Variants in SPRR2G observed in about 807,000 individuals in gnomAD.
SPRR2G encodes the protein small proline rich protein 2G.
Under a neutral mutation model 0.7 loss-of-function variants are expected in SPRR2G, and 1 was observed. The observed-to-expected ratio is 1.49, with a 90% CI of 0.53 to 7.06. SPRR2G has a LOEUF of 7.06. SPRR2G is among the 30% of genes most tolerant of loss of function. The pLI, the probability that SPRR2G is intolerant of heterozygous loss-of-function variation, is 0.14. For missense variants in SPRR2G, 96 were observed against 88.5 expected, an observed-to-expected ratio of 1.09 and a Z score of -0.34; for synonymous variants, 38 against 33.9, an observed-to-expected ratio of 1.12 and a Z score of -0.42.
the SPRR2G span, among the ~76,000 whole-genome samples, chr1:153,200,291 G>C: frequency 6.6e-6 from 1 of 152,176 alleles, no homozygotes; most frequent in African/African-American, 2.4e-5. Context: ...GAAGGGGTCT[G>C]AGGAAAATAT....
chr1:153,168,583 A>G, the SPRR2G span, among the ~76,000 whole-genome samples: 5 of 152,206 alleles, frequency 3.3e-5, no homozygotes, highest in African/African-American at 1.2e-4. Flanking sequence ...ACTAGATGCT[A>G]TTTTATATTA....
At chr1:153,161,671 C>T in the SPRR2G span, among the ~76,000 whole-genome samples, 2 of 152,100 alleles carry the variant, frequency 1.3e-5, no homozygotes, top group African/African-American at 2.4e-5. Flanking sequence ...CTAGGACTCA[C>T]CTAAGAGACC....
chr1:153,177,703 T>C, the SPRR2G span, among the ~76,000 whole-genome samples: 1 of 152,188 alleles, frequency 6.6e-6, no homozygotes, highest in South Asian at 2.1e-4. Flanking sequence ...TCTATATGTG[T>C]ATTCATACAC....
At chr1:153,156,985 G>T in the SPRR2G span, among the ~76,000 whole-genome samples, 4,700 of 152,164 alleles carry the variant, frequency 0.031, 241 homozygotes, top group African/African-American at 0.11. Context: ...AATATACAGA[G>T]CTCCTCAATT....
At chr1:153,191,501 T>A in the SPRR2G span, 1 of 152,150 alleles carries the variant, frequency 6.6e-6, no homozygotes, top group Non-Finnish European at 1.5e-5. Context: ...TATTAAAAAT[T>A]AAAACTAGAA....
chr1:153,162,827 A>G, the SPRR2G span, among the ~76,000 whole-genome samples: 4 of 152,232 alleles, frequency 2.6e-5, no homozygotes, highest in Non-Finnish European at 5.9e-5. Context: ...TATACAAGAT[A>G]GTATGAGCCC....
chr1:153,172,439 C>A, the SPRR2G span, among the ~76,000 whole-genome samples: 3 of 152,088 alleles, frequency 2.0e-5, no homozygotes, highest in Admixed American at 2.0e-4. Flanking sequence ...ACACATCCTT[C>A]CCCCACTCAA....
At chr1:153,175,379 T>C in the SPRR2G span, among the ~76,000 whole-genome samples, 1 of 152,218 alleles carries the variant, frequency 6.6e-6, no homozygotes, top group East Asian at 1.9e-4. Context: ...AAGGTTCTAA[T>C]TGTTTGGCTG....
chr1:153,157,040 C>A, the SPRR2G span, among the ~76,000 whole-genome samples: 1 of 152,218 alleles, frequency 6.6e-6, no homozygotes, highest in South Asian at 2.1e-4. Context: ...GGGCTTACTG[C>A]CACTGCCCAG....
upstream of SPRR2G, among the ~76,000 whole-genome samples, chr1:153,151,117 C>T (rs1656459079): frequency 1.3e-5 from 2 of 152,210 alleles, no homozygotes; most frequent in African/African-American, 2.4e-5. Flanking sequence ...AATTGTAGAA[C>T]GTGACAAATT....
At chr1:153,184,290 A>G in the SPRR2G span, among the ~76,000 whole-genome samples, 2 of 152,248 alleles carry the variant, frequency 1.3e-5, no homozygotes. Context: ...ATAGCATTGA[A>G]TCTCTAAATT....
At chr1:153,197,055 C>T in the SPRR2G span, among the ~76,000 whole-genome samples, 2 of 152,010 alleles carry the variant, frequency 1.3e-5, no homozygotes, top group African/African-American at 4.8e-5. Flanking sequence ...CGTGCCTGGC[C>T]CAGCTACCTC....
the SPRR2G span, among the ~76,000 whole-genome samples, chr1:153,158,640 C>T: frequency 2.6e-5 from 4 of 152,226 alleles, no homozygotes; most frequent in African/African-American, 9.6e-5. Context: ...CTAGGCAGTG[C>T]CCCAGTTGGG....
the SPRR2G span, among the ~76,000 whole-genome samples, chr1:153,162,481 T>C: frequency 1.3e-5 from 2 of 152,224 alleles, no homozygotes; most frequent in Admixed American, 1.3e-4. Flanking sequence ...CAGGACATCC[T>C]GGAGGCTCCA....
the SPRR2G span, among the ~76,000 whole-genome samples, chr1:153,165,157 CATGGATGGATGG>C: frequency 7.4e-5 from 11 of 149,060 alleles, no homozygotes; most frequent in Non-Finnish European, 8.9e-5. Flanking sequence ...AGAAAGCAAA[CATGGATGGATGG>C]ATGGATGGAT....
chr1:153,175,820 C>G, the SPRR2G span, among the ~76,000 whole-genome samples: 1 of 152,168 alleles, frequency 6.6e-6, no homozygotes, highest in African/African-American at 2.4e-5. Flanking sequence ...TGTGGTGGCT[C>G]ACGCCTGTAA....
chr1:153,153,693 C>T (rs1656520148), upstream of SPRR2G, among the ~76,000 whole-genome samples: 2 of 152,048 alleles, frequency 1.3e-5, no homozygotes, highest in Non-Finnish European at 2.9e-5. Context: ...GAGAGGATGA[C>T]ATTTCCCAAG....
the SPRR2G span, among the ~76,000 whole-genome samples, chr1:153,163,534 T>C: frequency 6.6e-6 from 1 of 152,182 alleles, no homozygotes; most frequent in Non-Finnish European, 1.5e-5. Flanking sequence ...AAATGTTAGC[T>C]GGGGAGCAGT....
At chr1:153,189,451 T>A in the SPRR2G span, among the ~76,000 whole-genome samples, 1 of 151,852 alleles carries the variant, frequency 6.6e-6, no homozygotes, top group Non-Finnish European at 1.5e-5. Flanking sequence ...ATTTTATAGA[T>A]AATTATATTT....
Sources: gnomAD v4.1 joint callset for allele counts (sites outside exome capture counted in the v4.1 genomes callset) on GRCh38, gnomAD v4.1.1 for gene constraint, MANE v1.5 for transcripts, NCBI Gene and HGNC (gene_info 2026-07-23, HGNC 2026-07-21) for gene names.